Variants in ZNF813 observed in about 807,000 individuals in gnomAD.
ZNF813 encodes zinc finger protein 813.
A neutral mutation model predicts 7.2 loss-of-function variants in ZNF813; 3 were observed. The observed-to-expected ratio is 0.42, with a 90% CI of 0.19 to 1.08. The LOEUF (loss-of-function observed/expected upper bound fraction) is 1.08, where lower values mean the gene tolerates loss of function less well. Ranked by LOEUF, ZNF813 falls within the 50% of genes least tolerant of loss-of-function variation. The pLI is 0.30. For missense variants in ZNF813, 714 were observed against 753.3 expected (o/e 0.95, Z 0.61); for synonymous variants, 227 against 256.3 (o/e 0.89, Z 1.09).
intron 1 of ZNF813, chr19:53,479,391 C>G (rs2086396815): frequency 6.9e-6 from 11 of 1,590,474 alleles, no homozygotes; most frequent in Non-Finnish European, 9.4e-6. Context: ...AGCGCAAGAT[C>G]CAGGTTCTGC....
intron 1 of ZNF813, among the ~76,000 whole-genome samples, chr19:53,474,641 A>G (rs2086374052): frequency 6.6e-6 from 1 of 151,870 alleles, no homozygotes; most frequent in Non-Finnish European, 1.5e-5. Context: ...GTGAGCCAAG[A>G]TTGCACCACT....
intron 3 of ZNF813, among the ~76,000 whole-genome samples, chr19:53,488,466 T>G (rs1420811516): frequency 1.3e-5 from 2 of 151,588 alleles, no homozygotes; most frequent in Admixed American, 6.6e-5. Context: ...TGGAGTGCAG[T>G]GGCATGATCT....
At position 53,495,220 on chromosome 19, in the gene ZNF813, TG is replaced by T. The variant is rs1434301955; in HGVS notation, c.*3135del. The T allele has an allele frequency of 8.0e-6, 1 of 125,018 alleles. No homozygotes were observed. Among genetic ancestry groups the T allele is most frequent in the East Asian group, 2.2e-4 (1 of 4,468 alleles). 7.7% of individuals were successfully genotyped at this position (125,018 alleles called of 1,614,324 possible). On this transcript the variant is annotated 3_prime_UTR_variant, in exon 4 of 4. Transcript: ENST00000396403. ...CACCATCCACATCAGTTTTTTTGTTTGTTTTTGTTGTTGTTGTTTTTTTGAG... is the reference window on the plus strand; with the variant it reads ...CACCATCCACATCAGTTTTTTTGTTTTTTTTGTTGTTGTTGTTTTTTTGAG...
intron 2 of ZNF813, among the ~76,000 whole-genome samples, chr19:53,485,248 G>T (rs2086426576): frequency 6.6e-6 from 1 of 152,122 alleles, no homozygotes; most frequent in Non-Finnish European, 1.5e-5. Flanking sequence ...GGCATTTCCT[G>T]TTTTCTTAGA....
chr19:53,492,710 C>G lies in ZNF813; in HGVS notation c.*624C>G. On this transcript the variant is annotated 3_prime_UTR_variant, in exon 4 of 4. Coordinates refer to ENST00000396403, the MANE Select transcript of ZNF813 (RefSeq NM_001004301.4). The stretch of plus-strand genomic sequence containing the variant: ...GAACCCATAAGGAAGAGAGATCATA[C>G]AAGTGTAATAATCGGCAAATTTTTC... 1.3e-6 allele frequency: 1 copy of G among 746,358 alleles called. No individual in the cohort carries two copies. The highest frequency in any genetic ancestry group is 2.2e-6 in the Non-Finnish European group (1 of 456,244). 46.2% of individuals were successfully genotyped at this position (746,358 alleles called of 1,614,324 possible).
At position 53,490,982 on chromosome 19, in the gene ZNF813, G is replaced by T. The variant is rs762545241; in HGVS notation, c.750G>T (p.Lys250Asn). The T allele has an allele frequency of 1.2e-6, 2 of 1,614,162 alleles. No homozygotes were observed. Among genetic ancestry groups the T allele is most frequent in the Admixed American group, 3.3e-5 (2 of 60,020 alleles). ...EKQYKCDVCG[K>N]VFNRKRNLVC... ...AATATAAATGTGATGTATGTGGCAA[G>T]GTCTTTAATCGGAAGCGAAACCTAG... Residue 250 changes from lysine (K) to asparagine (N), a missense_variant, in exon 4 of 4, where the codon AAG becomes AAT. Physicochemically the swap from Lys to Asn is moderately conservative, Grantham distance 94 (BLOSUM62 0). Around this residue, in one of 3 missense-constraint regions of ZNF813, gnomAD observed 563 missense variants for 554.2 expected, o/e 1.02. Coordinates refer to ENST00000396403, the MANE Select transcript of ZNF813 (RefSeq NM_001004301.4).
intron 1 of ZNF813, among the ~76,000 whole-genome samples, chr19:53,482,263 A>C: frequency 6.6e-6 from 1 of 152,322 alleles, no homozygotes; most frequent in East Asian, 1.9e-4. Flanking sequence ...ACCATCTTCG[A>C]GGCCTTTCTC....
At chr19:53,481,016 G>A (rs1382964984) in intron 1 of ZNF813, among the ~76,000 whole-genome samples, 1 of 152,244 alleles carries the variant, frequency 6.6e-6, no homozygotes. Context: ...AGCAGGTGGT[G>A]AGGATGTGGG....
At chr19:53,469,491 T>G (rs2617711) in intron 1 of ZNF813, among the ~76,000 whole-genome samples, 18,510 of 151,826 alleles carry the variant, frequency 0.12, 1,595 homozygotes, top group African/African-American at 0.25. Flanking sequence ...TGAGAAAGAC[T>G]CATAACAGAT....
chr19:53,474,936 G>A (rs1271679489), intron 1 of ZNF813, among the ~76,000 whole-genome samples: 2 of 152,100 alleles, frequency 1.3e-5, no homozygotes, highest in African/African-American at 2.4e-5. Flanking sequence ...GCATAGCTAA[G>A]GCTTCCTCTT....
rs777257513 is a variant in ZNF813, at chr19:53,491,117, A to G, written c.885A>G (p.Gly295=). The change falls in exon 4 of 4, where the codon GGA becomes GGG. Residue 295 remains glycine, a synonymous_variant. Transcript: ENST00000396403. ...SLTCHRRLHT[G]EKPYKCEECD... The stretch of plus-strand genomic sequence containing the variant: ...CATGCCATCGTAGACTTCATACTGG[A>G]GAGAAACCTTACAAATGTGAAGAAT... 1.2e-6 allele frequency: 2 copies of G among 1,614,180 alleles called. No individual in the cohort carries two copies. Among genetic ancestry groups the G allele is most frequent in the East Asian group, 4.5e-5 (2 of 44,888 alleles).
At chr19:53,471,180 G>C (rs942495473) in intron 1 of ZNF813, among the ~76,000 whole-genome samples, 5 of 152,076 alleles carry the variant, frequency 3.3e-5, no homozygotes, top group African/African-American at 4.8e-5. Context: ...GTGGGAGTGA[G>C]AAGAAACATG....
chr19:53,480,565 T>C (rs1402770203), intron 1 of ZNF813, among the ~76,000 whole-genome samples: 3 of 152,186 alleles, frequency 2.0e-5, no homozygotes, highest in Non-Finnish European at 2.9e-5. Context: ...CTGCATGCTT[T>C]CTAGTCTTTA....
chr19:53,489,201 T>G (rs1486397443), intron 3 of ZNF813, among the ~76,000 whole-genome samples: 1 of 151,688 alleles, frequency 6.6e-6, no homozygotes, highest in Non-Finnish European at 1.5e-5. Flanking sequence ...GAGACGGGGT[T>G]TCTCCATGTT....
chr19:53,479,121 T>C (rs150772853), intron 1 of ZNF813, among the ~76,000 whole-genome samples: 1 of 152,046 alleles, frequency 6.6e-6, no homozygotes, highest in African/African-American at 2.4e-5. Flanking sequence ...TTTTAGCAGA[T>C]ATGGGGTTTC....
intron 1 of ZNF813, among the ~76,000 whole-genome samples, chr19:53,469,106 A>G (rs1036682887): frequency 2.0e-5 from 3 of 152,168 alleles, no homozygotes; most frequent in African/African-American, 2.4e-5. Context: ...GCCTGCAAAC[A>G]TATTGTTAAC....
At chr19:53,478,148 T>C (rs2086390480) in intron 1 of ZNF813, among the ~76,000 whole-genome samples, 1 of 152,106 alleles carries the variant, frequency 6.6e-6, no homozygotes. Context: ...CTTTCTGTTA[T>C]TACATAATAC....
chr19:53,492,185 A>T lies in ZNF813; in HGVS notation c.*99A>T. The T allele has an allele frequency of 6.7e-7, 1 of 1,499,932 alleles. No individual in the cohort carries two copies. The highest frequency in any genetic ancestry group is 9.0e-7 in the Non-Finnish European group (1 of 1,112,362). 92.9% of individuals were successfully genotyped at this position (1,499,932 alleles called of 1,614,324 possible). A position where few individuals can be genotyped will look rare whatever the true frequency, so the allele number is the denominator to read the frequency against. The stretch of plus-strand genomic sequence containing the variant: ...TGTCACAATTCAGTCCTTGTAATTC[A>T]TAAGAATTCATACTGGAGAGAAACA... On this transcript the variant is annotated 3_prime_UTR_variant, in exon 4 of 4. Coordinates refer to ENST00000396403, the MANE Select transcript of ZNF813 (RefSeq NM_001004301.4).
intron 1 of ZNF813, among the ~76,000 whole-genome samples, chr19:53,468,219 G>GGCCCCC: frequency 1.9e-5 from 1 of 52,964 alleles, no homozygotes; most frequent in East Asian, 7.0e-4. Context: ...GCGCCCTCGC[G>GGCCCCC]CCCCCCCCCC....
Sources: allele counts gnomAD v4.1 joint callset (sites outside exome capture counted in the v4.1 genomes callset), GRCh38; gene constraint gnomAD v4.1.1; regional missense constraint gnomAD v4.1.1; transcripts MANE v1.5; gene names NCBI Gene and HGNC (gene_info 2026-07-23, HGNC 2026-07-21).